Variants in BRINP1 observed in about 807,000 individuals in gnomAD.
The protein encoded by BRINP1 is BMP/retinoic acid-inducible neural-specific protein 1.
Under a neutral mutation model 72.9 loss-of-function variants are expected in BRINP1, and 17 were observed. That is an observed-to-expected ratio of 0.23 (90% confidence interval 0.16 to 0.35). BRINP1 has a LOEUF of 0.35. Ranked by LOEUF, BRINP1 falls within the 10% of genes least tolerant of loss-of-function variation. BRINP1 has a pLI of 1.00. For synonymous variants in BRINP1, 418 were observed against 378.5 expected, an observed-to-expected ratio of 1.10 and a Z score of -1.21; for missense variants, 850 against 1,001.6, an observed-to-expected ratio of 0.85 and a Z score of 2.04.
intron 1 of BRINP1, among the ~76,000 whole-genome samples, chr9:119,334,216 A>G (rs960490944): frequency 2.6e-5 from 4 of 152,154 alleles, no homozygotes. Context: ...AATAAACACA[A>G]CTTTGAACTA....
chr9:119,257,033 G>A (rs1314433044), intron 2 of BRINP1, among the ~76,000 whole-genome samples: 1 of 152,136 alleles, frequency 6.6e-6, no homozygotes, highest in Non-Finnish European at 1.5e-5. Flanking sequence ...AGAAAATGAA[G>A]TTTGTAAAGT....
intron 5 of BRINP1, among the ~76,000 whole-genome samples, chr9:119,217,644 T>C (rs532708615): frequency 1.3e-5 from 2 of 152,314 alleles, no homozygotes; most frequent in East Asian, 3.9e-4. Flanking sequence ...TCCTGATTTG[T>C]GCCTCATTCT....
intron 7 of BRINP1, among the ~76,000 whole-genome samples, chr9:119,191,591 C>A: frequency 6.6e-6 from 1 of 151,656 alleles, no homozygotes; most frequent in Non-Finnish European, 1.5e-5. Context: ...CTGAAAACTA[C>A]AAAACATTAA....
At chr9:119,277,061 A>G (rs1175133829) in intron 2 of BRINP1, among the ~76,000 whole-genome samples, 1 of 152,176 alleles carries the variant, frequency 6.6e-6, no homozygotes, top group Non-Finnish European at 1.5e-5. Context: ...ATGAAATCAT[A>G]GAGTGTGTAG....
intron 2 of BRINP1, among the ~76,000 whole-genome samples, chr9:119,269,665 C>T (rs1326405443): frequency 3.3e-5 from 5 of 152,094 alleles, no homozygotes; most frequent in African/African-American, 1.2e-4. Flanking sequence ...GAAACTGAAC[C>T]TCCACAGGTG....
intron 2 of BRINP1, among the ~76,000 whole-genome samples, chr9:119,264,941 G>C (rs1830533466): frequency 6.6e-6 from 1 of 152,146 alleles, no homozygotes; most frequent in African/African-American, 2.4e-5. Flanking sequence ...CAAGTGCTGG[G>C]ATTACAGGCG....
At chr9:119,243,491 G>A (rs1021105381) in intron 3 of BRINP1, among the ~76,000 whole-genome samples, 16 of 152,078 alleles carry the variant, frequency 1.1e-4, no homozygotes, top group African/African-American at 3.9e-4. Context: ...CTTTGCTATT[G>A]TGAATAGTGC....
chr9:119,311,098 T>A (rs541523521), intron 2 of BRINP1, among the ~76,000 whole-genome samples: 2 of 152,338 alleles, frequency 1.3e-5, no homozygotes, highest in South Asian at 2.1e-4. Context: ...TACCTTGAAA[T>A]GTGCATGTGT....
intron 7 of BRINP1, among the ~76,000 whole-genome samples, chr9:119,179,697 C>T (rs1829531544): frequency 2.0e-5 from 3 of 152,142 alleles, no homozygotes; most frequent in African/African-American, 7.2e-5. Context: ...AGAGAGACTG[C>T]GACTCACCTT....
chr9:119,191,941 A>C (rs1238363824), intron 7 of BRINP1, among the ~76,000 whole-genome samples: 1 of 151,994 alleles, frequency 6.6e-6, no homozygotes, highest in Non-Finnish European at 1.5e-5. Context: ...GCCCAGAAAT[A>C]AATCCAATCA....
chr9:119,239,272 T>C (rs982183337), intron 4 of BRINP1, among the ~76,000 whole-genome samples: 2 of 152,172 alleles, frequency 1.3e-5, no homozygotes, highest in Non-Finnish European at 2.9e-5. Flanking sequence ...AATGGCTCTA[T>C]AAGTTATAAT....
At chr9:119,242,979 CTT>C (rs61706928) in intron 3 of BRINP1, among the ~76,000 whole-genome samples, 1,671 of 146,904 alleles carry the variant, frequency 0.011, 17 homozygotes, top group Middle Eastern at 0.021. Context: ...TTTCTTTTTT[CTT>C]TTTTTTTTTT....
intron 2 of BRINP1, among the ~76,000 whole-genome samples, chr9:119,288,669 A>G (rs1830791484): frequency 6.6e-6 from 1 of 152,252 alleles, no homozygotes; most frequent in Non-Finnish European, 1.5e-5. Context: ...ACTCAACCTC[A>G]TAGCCTTAGG....
At chr9:119,346,457 G>A (rs370379771) in intron 1 of BRINP1, among the ~76,000 whole-genome samples, 15 of 152,246 alleles carry the variant, frequency 9.9e-5, no homozygotes, top group African/African-American at 3.6e-4. Context: ...CCAGAATTTT[G>A]TAAGGGAAAG....
At chr9:119,196,118 T>C (rs990635463) in intron 7 of BRINP1, among the ~76,000 whole-genome samples, 1 of 152,224 alleles carries the variant, frequency 6.6e-6, no homozygotes, top group Non-Finnish European at 1.5e-5. Context: ...GCTTAGTTTC[T>C]ACCAAGTGCA....
At chr9:119,333,060 T>C (rs1227681836) in intron 1 of BRINP1, among the ~76,000 whole-genome samples, 1 of 151,910 alleles carries the variant, frequency 6.6e-6, no homozygotes, top group Non-Finnish European at 1.5e-5. Flanking sequence ...AAGCTTAGGC[T>C]CTTAATTCAC....
At chr9:119,188,847 T>C (rs1305671365) in intron 7 of BRINP1, among the ~76,000 whole-genome samples, 4 of 151,992 alleles carry the variant, frequency 2.6e-5, no homozygotes, top group Admixed American at 2.6e-4. Flanking sequence ...AGAAAATATA[T>C]GAAAGCATAA....
chr9:119,213,832 G>T, intron 6 of BRINP1, 87 bp downstream of exon 6: 2 of 1,181,322 alleles, frequency 1.7e-6, no homozygotes, highest in Non-Finnish European at 2.5e-6. Context: ...ACTTTCCCTT[G>T]CAGCAGTCCT....
At position 119,318,145 on chromosome 9, in the gene BRINP1, C is replaced by G. The variant is rs146508256; in HGVS notation, c.-50-4740G>C. ...TGATCTTTAGAAAACTAGCTACTCTCGCTCAGCTGCATGACTGTGGACAGT... is the reference window on the plus strand; with the variant it reads ...TGATCTTTAGAAAACTAGCTACTCTGGCTCAGCTGCATGACTGTGGACAGT... On this transcript the variant is annotated intron_variant, in intron 1 of 7. Transcript: ENST00000265922. Among the ~76,000 whole-genome samples the G allele has an allele frequency of 1.4e-3, 206 of 152,268 alleles. 5 individuals carry two copies. In the East Asian group the frequency reaches 0.038, roughly 28 times the overall value.
Sources: allele counts gnomAD v4.1 joint callset (sites outside exome capture counted in the v4.1 genomes callset), GRCh38; gene constraint gnomAD v4.1.1; transcripts MANE v1.5; gene names NCBI Gene and HGNC (gene_info 2026-07-23, HGNC 2026-07-21).